Variants in NPSR1 observed in about 807,000 individuals in gnomAD.
NPSR1 encodes the protein neuropeptide S receptor 1.
A neutral mutation model predicts 46.9 loss-of-function variants in NPSR1; 48 were observed. The ratio of observed to expected loss-of-function variants is 1.02; its 90% CI spans 0.81 to 1.30. The LOEUF is 1.30. Among genes scored for constraint, NPSR1 ranks in the 50% most tolerant of loss-of-function variants. The probability of loss-of-function intolerance (pLI) is 0.00; values close to 1 mark genes in which losing one functional copy is unlikely to be tolerated. For missense variants in NPSR1, 450 were observed against 449.5 expected, an observed-to-expected ratio of 1.00 and a Z score of -0.01; for synonymous variants, 176 against 168.1, an observed-to-expected ratio of 1.05 and a Z score of -0.36.
chr7:34,725,045 C>T (rs372008960), intron 2 of NPSR1, among the ~76,000 whole-genome samples: 3 of 150,794 alleles, frequency 2.0e-5, no homozygotes, highest in South Asian at 4.2e-4. Flanking sequence ...GGAAAAGGAG[C>T]AAAAAAGGAA....
At chr7:34,686,978 A>G (rs889217104) in intron 2 of NPSR1, among the ~76,000 whole-genome samples, 15 of 151,314 alleles carry the variant, frequency 9.9e-5, no homozygotes, top group Non-Finnish European at 2.1e-4. Context: ...AAAAAAAAAA[A>G]AAAGAAATGT....
At chr7:34,666,914 C>T (rs1358845140) in intron 1 of NPSR1, among the ~76,000 whole-genome samples, 5 of 152,188 alleles carry the variant, frequency 3.3e-5, no homozygotes, top group Non-Finnish European at 7.3e-5. Flanking sequence ...AAAAGTTTCT[C>T]CCCCTCCTCA....
At chr7:34,740,927 C>T (rs1393540992) in intron 2 of NPSR1, among the ~76,000 whole-genome samples, 4 of 152,170 alleles carry the variant, frequency 2.6e-5, no homozygotes, top group Non-Finnish European at 5.9e-5. Flanking sequence ...CTCCTGTCCA[C>T]CGTGAGCCTC....
chr7:34,827,489 A>G lies in NPSR1; in HGVS notation c.567A>G (p.Thr189=), dbSNP rs756319448. The G allele has an allele frequency of 4.1e-5, 66 of 1,614,006 alleles. No individual in the cohort carries two copies. Among genetic ancestry groups the G allele is most frequent in the Non-Finnish European group, 5.4e-5 (64 of 1,180,012 alleles). The change falls in exon 5 of 9, where the codon ACA becomes ACG. Residue 189 remains threonine (T), a synonymous_variant. Transcript: ENST00000360581. ...CCCTGATCATATTTGGGAAGAGGAC[A>G]CTGTCCAACGGTGAAGTGCAGTGCT... ...IPTLIIFGKR[T]LSNGEVQCWA...
intron 1 of NPSR1, among the ~76,000 whole-genome samples, chr7:34,684,120 G>GT (rs1792798866): frequency 6.6e-6 from 1 of 152,012 alleles, no homozygotes; most frequent in African/African-American, 2.4e-5. Flanking sequence ...TTGCTACATA[G>GT]TCTTCATGGT....
intron 2 of NPSR1, among the ~76,000 whole-genome samples, chr7:34,691,656 A>G (rs1444059881): frequency 5.9e-5 from 9 of 152,238 alleles, no homozygotes; most frequent in African/African-American, 2.2e-4. Context: ...TCAAACGACA[A>G]GAAGATTGAA....
chr7:34,817,675 T>C (rs1377505556), intron 4 of NPSR1, among the ~76,000 whole-genome samples: 4 of 149,518 alleles, frequency 2.7e-5, no homozygotes, highest in African/African-American at 9.9e-5. Context: ...CTCAATAAAG[T>C]ACTGGCAAAC....
chr7:34,808,897 T>C (rs1788841786), intron 3 of NPSR1, among the ~76,000 whole-genome samples: 1 of 152,230 alleles, frequency 6.6e-6, no homozygotes, highest in African/African-American at 2.4e-5. Context: ...CTTAAATGCC[T>C]GAAGATGGTT....
chr7:34,848,684 G>C, intron 8 of NPSR1, 21 bp downstream of exon 8: 4 of 1,606,884 alleles, frequency 2.5e-6, no homozygotes, highest in Non-Finnish European at 3.4e-6. Context: ...CTCTTGCATG[G>C]GTCAGACACA....
intron 8 of NPSR1, among the ~76,000 whole-genome samples, chr7:34,876,897 C>T (rs1307773586): frequency 6.6e-6 from 1 of 152,184 alleles, no homozygotes; most frequent in Non-Finnish European, 1.5e-5. Flanking sequence ...TGCTGCAGGA[C>T]TCCAGCAGTG....
At chr7:34,832,269 C>T (rs1305191109) in intron 5 of NPSR1, among the ~76,000 whole-genome samples, 2 of 152,210 alleles carry the variant, frequency 1.3e-5, no homozygotes, top group African/African-American at 4.8e-5. Flanking sequence ...TGTGGTGACT[C>T]ACACCTGTAA....
At chr7:34,740,169 T>C (rs1277008129) in intron 2 of NPSR1, among the ~76,000 whole-genome samples, 2 of 151,852 alleles carry the variant, frequency 1.3e-5, no homozygotes, top group East Asian at 1.9e-4. Context: ...GTCATGCACA[T>C]TGTCAGGGAA....
chr7:34,848,394 C>A (rs1790814800), intron 7 of NPSR1, 89 bp from the exon 8 acceptor site: 1 of 1,065,846 alleles, frequency 9.4e-7, no homozygotes, highest in Non-Finnish European at 1.4e-6. Context: ...TCCCAAAGAA[C>A]CTCTCAGGTA....
At chr7:34,870,113 A>G (rs1310303246) in intron 8 of NPSR1, among the ~76,000 whole-genome samples, 1 of 151,910 alleles carries the variant, frequency 6.6e-6, no homozygotes, top group African/African-American at 2.4e-5. Context: ...GACTTAGTTC[A>G]AATATCAAAG....
intron 8 of NPSR1, among the ~76,000 whole-genome samples, chr7:34,870,830 G>A (rs1280532020): frequency 6.6e-6 from 1 of 151,540 alleles, no homozygotes; most frequent in Non-Finnish European, 1.5e-5. Context: ...AAACAGGGTG[G>A]CCTAATTTGA....
At chr7:34,718,683 G>A (rs1295517012) in intron 2 of NPSR1, among the ~76,000 whole-genome samples, 2 of 152,118 alleles carry the variant, frequency 1.3e-5, no homozygotes, top group African/African-American at 2.4e-5. Flanking sequence ...AAAGGACAAA[G>A]CAGTTGCAGG....
At chr7:34,787,241 C>A (rs948649383) in intron 3 of NPSR1, among the ~76,000 whole-genome samples, 3 of 152,114 alleles carry the variant, frequency 2.0e-5, no homozygotes, top group Non-Finnish European at 4.4e-5. Flanking sequence ...ATTACAGAGA[C>A]AACTTCCATC....
At chr7:34,749,493 A>C (rs1785395366) in intron 2 of NPSR1, among the ~76,000 whole-genome samples, 1 of 152,212 alleles carries the variant, frequency 6.6e-6, no homozygotes, top group South Asian at 2.1e-4. Flanking sequence ...TAAGGTAGAA[A>C]CTAAGACCCA....
At position 34,848,521 on chromosome 7, in the gene NPSR1, A is replaced by G; in HGVS notation, c.883A>G (p.Ile295Val). Residue 295 changes from isoleucine (I) to valine (V), a missense_variant, in exon 8 of 9, where the codon ATT (isoleucine) becomes GTT (valine). Physicochemically the swap from Ile to Val is conservative, Grantham distance 29. Coordinates refer to ENST00000360581, the MANE Select transcript of NPSR1 (RefSeq NM_207172.2). ...CCWSPYFLFD[I>V]LDNFNLLPDT... ...TTGGAGTCCATACTTCCTGTTTGAC[A>G]TTTTGGACAATTTCAACCTCCTTCC... 3.7e-6 allele frequency: 6 copies of G among 1,614,132 alleles called. No individual in the cohort carries two copies. Among genetic ancestry groups the G allele is most frequent in the African/African-American group, 1.3e-5 (1 of 75,028 alleles).
Sources: gnomAD v4.1 joint callset for allele counts (sites outside exome capture counted in the v4.1 genomes callset) on GRCh38, gnomAD v4.1.1 for gene constraint, MANE v1.5 for transcripts, NCBI Gene and HGNC (gene_info 2026-07-23, HGNC 2026-07-21) for gene names.